COL8A1: variants seen among roughly 807,000 people sequenced by gnomAD.
COL8A1 encodes the protein collagen type VIII alpha 1 chain.
COL8A1 carries 21 observed loss-of-function variants against 42.7 expected under a neutral mutation model. That is an observed-to-expected ratio of 0.49 (90% CI 0.35 to 0.71). The LOEUF is 0.71. Ranked by LOEUF, COL8A1 falls within the 30% of genes least tolerant of loss-of-function variation. COL8A1 has a pLI of 0.01. For synonymous variants in COL8A1, 367 were observed against 369.1 expected, an observed-to-expected ratio of 0.99 and a Z score of 0.06; for missense variants, 788 against 962.4, an observed-to-expected ratio of 0.82 and a Z score of 2.40.
chr3:99,777,883 A>G (rs1342459418), intron 2 of COL8A1, among the ~76,000 whole-genome samples: 1 of 152,224 alleles, frequency 6.6e-6, no homozygotes. Context: ...TTTTATTGCT[A>G]CATAAGGGAA....
intron 1 of COL8A1, among the ~76,000 whole-genome samples, chr3:99,716,604 C>T (rs1940003055): frequency 6.6e-6 from 1 of 152,000 alleles, no homozygotes. Flanking sequence ...AGACAGAAAA[C>T]GTAGTAGGTG....
chr3:99,650,148 T>G (rs1364683227), intron 1 of COL8A1, among the ~76,000 whole-genome samples: 2 of 152,190 alleles, frequency 1.3e-5, no homozygotes, highest in Admixed American at 1.3e-4. Flanking sequence ...TTTTCCTTTC[T>G]CTACAGAAAA....
intron 1 of COL8A1, among the ~76,000 whole-genome samples, chr3:99,674,972 G>A (rs2107317155): frequency 6.6e-6 from 1 of 152,170 alleles, no homozygotes; most frequent in South Asian, 2.1e-4. Flanking sequence ...TTCTTTCGGG[G>A]AATACTAGGG....
intron 1 of COL8A1, among the ~76,000 whole-genome samples, chr3:99,666,727 C>T (rs151139618): frequency 0.012 from 1,897 of 152,230 alleles, 26 homozygotes; most frequent in Middle Eastern, 0.044. Flanking sequence ...CCTTTGTTCC[C>T]TCACTATTAA....
At chr3:99,755,979 T>C (rs372429440) in intron 2 of COL8A1, among the ~76,000 whole-genome samples, 3 of 151,992 alleles carry the variant, frequency 2.0e-5, no homozygotes, top group South Asian at 4.2e-4. Context: ...TCTGAGGAGA[T>C]TGGACTCCGC....
At chr3:99,732,553 A>G (rs765308298) in intron 1 of COL8A1, among the ~76,000 whole-genome samples, 1 of 152,070 alleles carries the variant, frequency 6.6e-6, no homozygotes, top group Non-Finnish European at 1.5e-5. Flanking sequence ...AGAACAGCAT[A>G]AGGGTAACCA....
intron 1 of COL8A1, among the ~76,000 whole-genome samples, chr3:99,715,104 C>T (rs996173540): frequency 6.6e-6 from 1 of 151,934 alleles, no homozygotes; most frequent in African/African-American, 2.4e-5. Context: ...CCTAAGGGAA[C>T]TTTGTGTGTC....
At chr3:99,702,357 A>G (rs1306427200) in intron 1 of COL8A1, among the ~76,000 whole-genome samples, 1 of 152,212 alleles carries the variant, frequency 6.6e-6, no homozygotes, top group Non-Finnish European at 1.5e-5. Flanking sequence ...CTTGCATCAC[A>G]CTTTTGCTTA....
chr3:99,730,543 G>A (rs1423533526), intron 1 of COL8A1, among the ~76,000 whole-genome samples: 1 of 152,102 alleles, frequency 6.6e-6, no homozygotes, highest in Non-Finnish European at 1.5e-5. Flanking sequence ...ACTCAATGGA[G>A]TCATTAAGAC....
chr3:99,734,262 C>T (rs1188743239), intron 1 of COL8A1, among the ~76,000 whole-genome samples: 2 of 139,726 alleles, frequency 1.4e-5, no homozygotes, highest in Non-Finnish European at 3.1e-5. Flanking sequence ...AGGTTTTCTT[C>T]TAGGGTTTTT....
At chr3:99,746,904 T>C (rs1190769922) in intron 2 of COL8A1, among the ~76,000 whole-genome samples, 2 of 152,240 alleles carry the variant, frequency 1.3e-5, no homozygotes, top group African/African-American at 4.8e-5. Flanking sequence ...ATTTTTTGAA[T>C]GTACACCTTT....
intron 1 of COL8A1, among the ~76,000 whole-genome samples, chr3:99,655,773 T>C (rs1937998639): frequency 6.6e-6 from 1 of 152,216 alleles, no homozygotes; most frequent in Non-Finnish European, 1.5e-5. Context: ...ACTTTGAGCC[T>C]ATTTACCTTT....
chr3:99,710,836 C>G (rs997163164), intron 1 of COL8A1, among the ~76,000 whole-genome samples: 9 of 152,156 alleles, frequency 5.9e-5, no homozygotes, highest in Admixed American at 1.3e-4. Context: ...CAGGTCAATG[C>G]TCCCTGCACT....
intron 2 of COL8A1, among the ~76,000 whole-genome samples, chr3:99,754,052 A>T (rs183972776): frequency 1.3e-5 from 2 of 152,350 alleles, no homozygotes; most frequent in East Asian, 3.9e-4. Flanking sequence ...AGTTACAGAT[A>T]TGGGTCTGCA....
chr3:99,731,666 A>C (rs140266064), intron 1 of COL8A1, among the ~76,000 whole-genome samples: 23 of 152,288 alleles, frequency 1.5e-4, no homozygotes, highest in African/African-American at 4.8e-4. Flanking sequence ...AGGCAATTGC[A>C]ACCACTGAAG....
At chr3:99,758,107 G>A (rs764895787) in intron 2 of COL8A1, among the ~76,000 whole-genome samples, 1 of 152,040 alleles carries the variant, frequency 6.6e-6, no homozygotes, top group South Asian at 2.1e-4. Flanking sequence ...TTCTCATCTC[G>A]CCTTTTGGTG....
intron 1 of COL8A1, chr3:99,680,177 G>C (rs1374974227): frequency 6.7e-6 from 1 of 150,364 alleles, no homozygotes; most frequent in Non-Finnish European, 1.5e-5. Context: ...CCCGGTGTGT[G>C]ACGTTCCCCT....
At chr3:99,735,674 T>C (rs949062481) in intron 1 of COL8A1, among the ~76,000 whole-genome samples, 45 of 150,062 alleles carry the variant, frequency 3.0e-4, no homozygotes, top group Non-Finnish European at 4.2e-4. Context: ...ATAAAATGAG[T>C]TAGGGAGGAT....
At chr3:99,755,400 T>G (rs1941235131) in intron 2 of COL8A1, among the ~76,000 whole-genome samples, 1 of 152,188 alleles carries the variant, frequency 6.6e-6, no homozygotes, top group Non-Finnish European at 1.5e-5. Context: ...TCAACCAATA[T>G]GTGTTGAGAA....
Sources: gnomAD v4.1 joint callset for allele counts (sites outside exome capture counted in the v4.1 genomes callset) on GRCh38, gnomAD v4.1.1 for gene constraint, MANE v1.5 for transcripts, NCBI Gene and HGNC (gene_info 2026-07-23, HGNC 2026-07-21) for gene names.